The following SNAPC3 variants were observed in gnomAD, a reference collection of about 807,000 sequenced individuals.
SNAPC3 encodes the protein snRNA-activating protein complex subunit 3.
SNAPC3 carries 56 observed loss-of-function variants against 47.7 expected under a neutral mutation model. The ratio of observed to expected loss-of-function variants is 1.18; its 90% confidence interval spans 0.95 to 1.47. SNAPC3 has a LOEUF of 1.47. SNAPC3 is among the 40% of genes most tolerant of loss of function. The pLI, the probability that SNAPC3 is intolerant of heterozygous loss-of-function variation, is 0.00. For missense variants in SNAPC3, 665 were observed against 511.3 expected (o/e 1.30, Z -2.90); for synonymous variants, 235 against 189.9 (o/e 1.24, Z -1.95).
downstream of SNAPC3, chr9:15,465,132 A>G (rs1013339810): frequency 1.3e-5 from 3 of 233,922 alleles, no homozygotes; most frequent in Admixed American, 5.6e-5. Context: ...AGGTTTGTAA[A>G]AACTATGCAC....
chr9:15,440,140 G>A (rs769619434), intron 3 of SNAPC3, among the ~76,000 whole-genome samples: 1 of 152,126 alleles, frequency 6.6e-6, no homozygotes, highest in Admixed American at 6.5e-5. Context: ...ACATAACCTT[G>A]TAAGTATTGT....
chr9:15,431,293 G>A (rs2032113104), intron 2 of SNAPC3, among the ~76,000 whole-genome samples: 1 of 152,144 alleles, frequency 6.6e-6, no homozygotes, highest in Non-Finnish European at 1.5e-5. Context: ...CAGCTCGTCT[G>A]GATCTCTGTC....
At chr9:15,443,276 G>A (rs370973523) in intron 3 of SNAPC3, among the ~76,000 whole-genome samples, 2 of 152,188 alleles carry the variant, frequency 1.3e-5, no homozygotes, top group East Asian at 1.9e-4. Flanking sequence ...TTGCCTGTAG[G>A]AATAATTAAT....
intron 3 of SNAPC3, among the ~76,000 whole-genome samples, chr9:15,443,063 C>T (rs10116201): frequency 0.018 from 2,732 of 152,086 alleles, 77 homozygotes; most frequent in East Asian, 0.12. Flanking sequence ...CCCAGGCACT[C>T]GGCAGGCTGA....
At chr9:15,457,851 G>T (rs2034913038) in intron 7 of SNAPC3, 109 bp from the exon 8 acceptor site, 2 of 684,006 alleles carry the variant, frequency 2.9e-6, no homozygotes, top group Non-Finnish European at 4.9e-6. Flanking sequence ...AGCAAAAATT[G>T]AAAGTATCTA....
At chr9:15,432,920 T>C (rs138929113) in intron 2 of SNAPC3, among the ~76,000 whole-genome samples, 2 of 152,238 alleles carry the variant, frequency 1.3e-5, no homozygotes, top group African/African-American at 4.8e-5. Context: ...CCCCAAAATA[T>C]TTACCAAGTT....
rs377071512 is a variant in SNAPC3, at chr9:15,443,961, C to T, written c.478-641C>T. Among the ~76,000 whole-genome samples the T allele has an allele frequency of 7.9e-5, 12 of 152,162 alleles. No individual in the cohort carries two copies. The East Asian group carries it at 1.2e-3, about 15-fold the overall frequency. On this transcript the variant is annotated intron_variant, in intron 3 of 8. Coordinates refer to ENST00000380821, the MANE Select transcript of SNAPC3 (RefSeq NM_001039697.2). ...AATAGTTTATTCCAGTCTCTCATTCCAGCTTACTGGTTGCTTCTGTTAGAG... is the reference window on the plus strand; with the variant it reads ...AATAGTTTATTCCAGTCTCTCATTCTAGCTTACTGGTTGCTTCTGTTAGAG...
At chr9:15,423,815 G>A in intron 1 of SNAPC3, 94 bp from the exon 2 acceptor site, 1 of 613,294 alleles carries the variant, frequency 1.6e-6, no homozygotes. Context: ...ATCTGACTTC[G>A]TAATTCAGTA....
chr9:15,438,417 C>A (rs2033022153), intron 3 of SNAPC3, among the ~76,000 whole-genome samples: 1 of 151,984 alleles, frequency 6.6e-6, no homozygotes, highest in Admixed American at 6.6e-5. Context: ...TTTCAAAGAA[C>A]CAGCTTTTGT....
intron 2 of SNAPC3, among the ~76,000 whole-genome samples, chr9:15,428,265 G>C (rs570108320): frequency 6.6e-6 from 1 of 152,082 alleles, no homozygotes; most frequent in Non-Finnish European, 1.5e-5. Context: ...AAAATCTAAC[G>C]AGAGCTTGTT....
intron 7 of SNAPC3, among the ~76,000 whole-genome samples, chr9:15,453,914 T>C (rs1477548853): frequency 6.6e-6 from 1 of 152,186 alleles, no homozygotes; most frequent in Non-Finnish European, 1.5e-5. Flanking sequence ...TAATTACTGG[T>C]ATTAATTAGT....
intron 3 of SNAPC3, among the ~76,000 whole-genome samples, chr9:15,440,048 T>G (rs1330773396): frequency 6.6e-6 from 1 of 152,222 alleles, no homozygotes; most frequent in Non-Finnish European, 1.5e-5. Context: ...TTCTATAATA[T>G]TCAAATACTC....
intron 2 of SNAPC3, among the ~76,000 whole-genome samples, chr9:15,425,388 T>G (rs1179620267): frequency 1.3e-5 from 2 of 152,078 alleles, no homozygotes; most frequent in Non-Finnish European, 2.9e-5. Flanking sequence ...TGCCTAACTT[T>G]TTTGCATTTT....
intron 5 of SNAPC3, among the ~76,000 whole-genome samples, chr9:15,451,015 T>G (rs1211461290): frequency 6.6e-6 from 1 of 152,214 alleles, no homozygotes; most frequent in Non-Finnish European, 1.5e-5. Flanking sequence ...GGGGAAACAT[T>G]AAAGATAGGA....
At chr9:15,440,571 G>A (rs1000664276) in intron 3 of SNAPC3, among the ~76,000 whole-genome samples, 4 of 152,248 alleles carry the variant, frequency 2.6e-5, no homozygotes, top group Admixed American at 6.5e-5. Context: ...GGTTCCCATA[G>A]TCTCAGTTAC....
downstream of SNAPC3, chr9:15,463,519 GGGGT>G: frequency 7.6e-6 from 1 of 131,254 alleles, no homozygotes; most frequent in Admixed American, 7.9e-5. Context: ...GGGGTGGGGT[GGGGT>G]GGGGGTTATC....
intron 2 of SNAPC3, among the ~76,000 whole-genome samples, chr9:15,427,773 C>A (rs1422521189): frequency 6.6e-6 from 1 of 152,138 alleles, no homozygotes; most frequent in Non-Finnish European, 1.5e-5. Flanking sequence ...ACAAAAGGAA[C>A]TTACAGAGTC....
chr9:15,453,871 T>C (rs139945399), intron 7 of SNAPC3, among the ~76,000 whole-genome samples: 2 of 152,330 alleles, frequency 1.3e-5, no homozygotes, highest in East Asian at 3.9e-4. Context: ...GGAACAATAA[T>C]GTACCTGTGT....
Position 15,436,820 on chromosome 9 carries a change from GTTTTT to G in SNAPC3, c.477+3200_477+3204del, listed in dbSNP as rs34768913. Among the ~76,000 whole-genome samples the G allele has an allele frequency of 3.3e-3, 281 of 84,666 alleles. 1 individual carries two copies. The highest frequency in any genetic ancestry group is 0.025 in the East Asian group (87 of 3,472). The allele number at this position is 84,666 out of a possible 152,430, so 55.5% of individuals were successfully genotyped here. On this transcript the variant is annotated intron_variant, in intron 3 of 8. Coordinates refer to ENST00000380821, the MANE Select transcript of SNAPC3 (RefSeq NM_001039697.2). ...TTTAGATATTTAATTTCTTACAGCA[GTTTTT>G]TTTTTTTTTTTTTTTGAGACGAAGT...
Sources: allele counts gnomAD v4.1 joint callset (sites outside exome capture counted in the v4.1 genomes callset), GRCh38; gene constraint gnomAD v4.1.1; transcripts MANE v1.5; gene names NCBI Gene and HGNC (gene_info 2026-07-23, HGNC 2026-07-21).